Variants in DPP6 observed in about 807,000 individuals in gnomAD.
The protein encoded by DPP6 is A-type potassium channel modulatory protein DPP6.
Under a neutral mutation model 122.6 loss-of-function variants are expected in DPP6, and 69 were observed. That is an observed-to-expected ratio of 0.56 (90% confidence interval 0.46 to 0.69). DPP6 has a LOEUF of 0.69. DPP6 is among the 30% of genes least tolerant of loss of function. The probability of loss-of-function intolerance (pLI) is 0.00; values close to 1 mark genes in which losing one functional copy is unlikely to be tolerated. For missense variants in DPP6, 928 were observed against 1,116.9 expected, an observed-to-expected ratio of 0.83 and a Z score of 2.41; for synonymous variants, 418 against 433.1, an observed-to-expected ratio of 0.97 and a Z score of 0.43.
chr7:154,367,410 T>G (rs1382225439), intron 1 of DPP6, among the ~76,000 whole-genome samples: 2 of 152,244 alleles, frequency 1.3e-5, no homozygotes, highest in Non-Finnish European at 2.9e-5. Flanking sequence ...TTTTTTCTAG[T>G]CTGGCTTTTG....
At chr7:154,688,181 C>A (rs1839735449) in intron 7 of DPP6, among the ~76,000 whole-genome samples, 1 of 152,200 alleles carries the variant, frequency 6.6e-6, no homozygotes, top group Admixed American at 6.5e-5. Context: ...CACTCATGCA[C>A]ACACACAATT....
intron 1 of DPP6, among the ~76,000 whole-genome samples, chr7:154,267,192 G>T (rs1585784018): frequency 6.6e-6 from 1 of 151,630 alleles, no homozygotes; most frequent in East Asian, 1.9e-4. Flanking sequence ...AAATTTTTTT[G>T]AAAATAATTT....
intron 12 of DPP6, among the ~76,000 whole-genome samples, chr7:154,797,388 A>G (rs1293632127): frequency 6.6e-6 from 1 of 152,120 alleles, no homozygotes; most frequent in Non-Finnish European, 1.5e-5. Context: ...ATATACATAT[A>G]TATACAATAT....
chr7:153,890,360 A>G (rs557932198), intron 1 of DPP6, among the ~76,000 whole-genome samples: 1 of 152,292 alleles, frequency 6.6e-6, no homozygotes, highest in East Asian at 1.9e-4. Context: ...ATGCCTGTAA[A>G]CTGCTTTCTA....
intron 1 of DPP6, chr7:154,057,577 C>G (rs1436103328): frequency 6.6e-6 from 1 of 150,864 alleles, no homozygotes; most frequent in African/African-American, 2.5e-5. Flanking sequence ...TCTACCGGAG[C>G]TTAAGGGCAG....
chr7:153,800,590 C>G, the DPP6 span, among the ~76,000 whole-genome samples: 4 of 152,168 alleles, frequency 2.6e-5, no homozygotes, highest in Non-Finnish European at 4.4e-5. Flanking sequence ...CATCTCGGCT[C>G]ACTGCAACCT....
At chr7:154,651,527 C>T (rs539128147) in intron 6 of DPP6, among the ~76,000 whole-genome samples, 2 of 152,254 alleles carry the variant, frequency 1.3e-5, no homozygotes, top group African/African-American at 4.8e-5. Context: ...ATACGAGCAC[C>T]ATGCCGGAGC....
the DPP6 span, among the ~76,000 whole-genome samples, chr7:153,771,324 T>C: frequency 6.6e-6 from 1 of 152,038 alleles, no homozygotes. Context: ...ACGAAGACAA[T>C]GAAGTGAAAT....
chr7:154,122,591 A>G (rs2150609419), intron 1 of DPP6, among the ~76,000 whole-genome samples: 1 of 152,220 alleles, frequency 6.6e-6, no homozygotes, highest in South Asian at 2.1e-4. Context: ...AGTCATAATA[A>G]TACTCACTTT....
intron 16 of DPP6, among the ~76,000 whole-genome samples, chr7:154,835,578 A>G (rs1201214984): frequency 6.6e-6 from 1 of 152,100 alleles, no homozygotes; most frequent in Non-Finnish European, 1.5e-5. Context: ...GTGGACCCCA[A>G]AGTGTTTTGG....
At chr7:153,938,614 G>C (rs1340169204) in intron 1 of DPP6, among the ~76,000 whole-genome samples, 1 of 152,208 alleles carries the variant, frequency 6.6e-6, no homozygotes, top group Non-Finnish European at 1.5e-5. Context: ...CTTTGCTGTA[G>C]AAAGTTATCG....
rs1159820712 is a variant in DPP6, at chr7:154,893,229, T to G, written c.*749T>G. 7.2e-6 allele frequency: 2 copies of G among 277,748 alleles called. No homozygotes were observed. The highest frequency in any genetic ancestry group is 2.3e-5 in the African/African-American group (1 of 44,242). The allele number at this position is 277,748 out of a possible 1,614,324, so 17.2% of individuals were successfully genotyped here. On this transcript the variant is annotated 3_prime_UTR_variant, in exon 26 of 26. Transcript: ENST00000377770. ...GAAGAAGCAGATCGGAAGTAACTGC[T>G]CCCTCCTCAAGGTTGTCTTCAGACG...
At chr7:154,267,679 T>C (rs1803521907) in intron 1 of DPP6, among the ~76,000 whole-genome samples, 1 of 148,822 alleles carries the variant, frequency 6.7e-6, no homozygotes, top group African/African-American at 2.5e-5. Flanking sequence ...TGTGTGTATA[T>C]ATTTATCCCT....
chr7:153,834,892 C>T, the DPP6 span, among the ~76,000 whole-genome samples: 31 of 152,108 alleles, frequency 2.0e-4, no homozygotes, highest in African/African-American at 5.3e-4. Flanking sequence ...TATTTTCACT[C>T]GGCAATAACT....
At chr7:154,389,504 G>A (rs1814426709) in intron 1 of DPP6, among the ~76,000 whole-genome samples, 1 of 151,848 alleles carries the variant, frequency 6.6e-6, no homozygotes. Flanking sequence ...TTATGAAGTA[G>A]CCTGTAATTA....
At chr7:153,880,605 G>T in the DPP6 span, among the ~76,000 whole-genome samples, 2 of 152,176 alleles carry the variant, frequency 1.3e-5, no homozygotes, top group East Asian at 3.8e-4. Flanking sequence ...AGACATGGCT[G>T]TGGATATGAC....
At chr7:154,362,346 C>A (rs1306728828) in intron 1 of DPP6, among the ~76,000 whole-genome samples, 1 of 152,140 alleles carries the variant, frequency 6.6e-6, no homozygotes, top group Non-Finnish European at 1.5e-5. Flanking sequence ...AAAGTCAGTT[C>A]CAACTCTAAA....
chr7:153,931,198 CA>C (rs1801155148), intron 1 of DPP6, among the ~76,000 whole-genome samples: 1 of 152,158 alleles, frequency 6.6e-6, no homozygotes, highest in African/African-American at 2.4e-5. Flanking sequence ...ACCAGAAACT[CA>C]GCATTTAAAA....
At chr7:154,369,184 C>T (rs1176410137) in intron 1 of DPP6, among the ~76,000 whole-genome samples, 1 of 152,172 alleles carries the variant, frequency 6.6e-6, no homozygotes, top group African/African-American at 2.4e-5. Context: ...AAACCTCCAA[C>T]TCTGGGTTCA....
Sources: gnomAD v4.1 joint callset for allele counts (sites outside exome capture counted in the v4.1 genomes callset) on GRCh38, gnomAD v4.1.1 for gene constraint, MANE v1.5 for transcripts, NCBI Gene and HGNC (gene_info 2026-07-23, HGNC 2026-07-21) for gene names.